Variants in SUSD4 observed in about 807,000 individuals in gnomAD.
SUSD4 encodes the protein sushi domain containing 4.
A neutral mutation model predicts 50.5 loss-of-function variants in SUSD4; 41 were observed. The ratio of observed to expected loss-of-function variants is 0.81; its 90% confidence interval spans 0.63 to 1.05. SUSD4 has a LOEUF of 1.05. Ranked by LOEUF, SUSD4 falls within the 50% of genes least tolerant of loss-of-function variation. SUSD4 has a pLI of 0.00. For missense variants in SUSD4, 580 were observed against 634.7 expected (o/e 0.91, Z 0.93); for synonymous variants, 257 against 257.3 (o/e 1.00, Z 0.01).
chr1:223,266,796 G>A (rs1662521549), intron 4 of SUSD4, among the ~76,000 whole-genome samples: 3 of 152,220 alleles, frequency 2.0e-5, no homozygotes, highest in African/African-American at 7.2e-5. Context: ...CATTCCCCCT[G>A]GGGGCTCAGA....
rs150634683 is a variant in SUSD4, at chr1:223,243,851, T to C, written c.725-14463A>G. Among the ~76,000 whole-genome samples the C allele has an allele frequency of 4.5e-3, 686 of 152,354 alleles. 8 individuals are homozygous for C. The highest frequency in any genetic ancestry group is 0.016 in the African/African-American group (648 of 41,586). ...CAGCACTATGGCACCTCCTCCAGCA[T>C]AGATAAGGGAGACTATTATGTTTGG... is the stretch of plus-strand genomic sequence containing the variant. On this transcript the variant is annotated intron_variant, in intron 5 of 8. Transcript: ENST00000366878.
chr1:223,355,579 A>G (rs1572132322), intron 2 of SUSD4, among the ~76,000 whole-genome samples: 1 of 152,076 alleles, frequency 6.6e-6, no homozygotes, highest in Non-Finnish European at 1.5e-5. Context: ...TCAACCACAT[A>G]TGTATTTTAT....
chr1:223,287,930 C>T (rs1045273234), intron 3 of SUSD4, among the ~76,000 whole-genome samples: 5 of 152,136 alleles, frequency 3.3e-5, no homozygotes, highest in African/African-American at 1.2e-4. Context: ...GCACACTCCC[C>T]CTGCAAAGAG....
At chr1:223,321,073 G>T (rs1666543786) in intron 2 of SUSD4, among the ~76,000 whole-genome samples, 1 of 152,116 alleles carries the variant, frequency 6.6e-6, no homozygotes, top group South Asian at 2.1e-4. Context: ...GTGTTCACAG[G>T]TGTCTTTTCA....
intron 2 of SUSD4, among the ~76,000 whole-genome samples, chr1:223,320,040 A>C (rs1572054172): frequency 6.6e-6 from 1 of 152,324 alleles, no homozygotes; most frequent in Non-Finnish European, 1.5e-5. Flanking sequence ...TAAGGATTAG[A>C]AGTGCTCCTA....
At chr1:223,279,244 G>A (rs1048552863) in intron 3 of SUSD4, among the ~76,000 whole-genome samples, 6 of 152,216 alleles carry the variant, frequency 3.9e-5, no homozygotes, top group African/African-American at 1.4e-4. Flanking sequence ...CGAGTTGAGA[G>A]AAGAAGGCTT....
intron 3 of SUSD4, among the ~76,000 whole-genome samples, chr1:223,276,695 T>A (rs1401805937): frequency 6.6e-6 from 1 of 152,202 alleles, no homozygotes; most frequent in African/African-American, 2.4e-5. Context: ...TGGCTTCTGT[T>A]AACAGCAGCA....
intron 2 of SUSD4, among the ~76,000 whole-genome samples, chr1:223,336,623 G>A (rs909624637): frequency 2.6e-5 from 4 of 152,118 alleles, no homozygotes; most frequent in African/African-American, 9.7e-5. Context: ...AAGAATTTTG[G>A]TAAATTCCTC....
chr1:223,228,397 A>C (rs1311665565), intron 6 of SUSD4, among the ~76,000 whole-genome samples: 1 of 152,196 alleles, frequency 6.6e-6, no homozygotes, highest in Non-Finnish European at 1.5e-5. Flanking sequence ...GTGCGCCTCC[A>C]GAGACCTGGC....
At chr1:223,252,192 C>A in intron 5 of SUSD4, among the ~76,000 whole-genome samples, 1 of 141,258 alleles carries the variant, frequency 7.1e-6, no homozygotes. Context: ...ACGTTGTGCA[C>A]ATGTACCCTA....
intron 5 of SUSD4, among the ~76,000 whole-genome samples, chr1:223,243,310 T>G (rs1312931621): frequency 1.3e-5 from 2 of 152,154 alleles, no homozygotes; most frequent in African/African-American, 4.8e-5. Context: ...CCTGGCTGTC[T>G]TCTTCTGGGA....
chr1:223,343,828 A>G (rs936529490), intron 2 of SUSD4, among the ~76,000 whole-genome samples: 10 of 152,202 alleles, frequency 6.6e-5, no homozygotes, highest in African/African-American at 2.2e-4. Context: ...CAACTGCTGT[A>G]GGAACCACAG....
At chr1:223,338,403 C>T (rs1294866739) in intron 2 of SUSD4, among the ~76,000 whole-genome samples, 5 of 152,160 alleles carry the variant, frequency 3.3e-5, no homozygotes, top group South Asian at 2.1e-4. Context: ...ATGGGGGAAG[C>T]GGCCAAGACT....
At position 223,297,860 on chromosome 1, in the gene SUSD4, G is replaced by T. The variant is rs1433148994; in HGVS notation, c.149-5209C>A. Among the ~76,000 whole-genome samples, 4 of 152,174 alleles carry T rather than the reference G, an allele frequency of 2.6e-5. No individual in the cohort carries two copies. The South Asian group carries it at 6.2e-4, about 24-fold the overall frequency. ...ACATTCTACAAGTGTTGCTAATGAA[G>T]GATAAAGCAAGGGATGGATGGATGG... On this transcript the variant is annotated intron_variant, in intron 2 of 8. Coordinates refer to ENST00000366878, the MANE Select transcript of SUSD4 (RefSeq NM_017982.4).
chr1:223,283,016 C>T (rs927259139), intron 3 of SUSD4, among the ~76,000 whole-genome samples: 21 of 152,162 alleles, frequency 1.4e-4, no homozygotes, highest in Admixed American at 1.2e-3. Context: ...ACAAATGGTG[C>T]TGGGAAAACT....
chr1:223,274,861 G>C (rs537561571), intron 3 of SUSD4, among the ~76,000 whole-genome samples: 30 of 152,112 alleles, frequency 2.0e-4, no homozygotes, highest in Non-Finnish European at 3.2e-4. Context: ...CAAAATCATA[G>C]AGCTCTTTTT....
chr1:223,293,959 C>T (rs1352534226), intron 2 of SUSD4, among the ~76,000 whole-genome samples: 1 of 151,994 alleles, frequency 6.6e-6, no homozygotes, highest in African/African-American at 2.4e-5. Context: ...GAAGGCAGAT[C>T]CCTGAAACAA....
chr1:223,246,657 G>A (rs1439904852), intron 5 of SUSD4, among the ~76,000 whole-genome samples: 1 of 152,132 alleles, frequency 6.6e-6, no homozygotes, highest in African/African-American at 2.4e-5. Context: ...CATGAGTGCT[G>A]GACACAGGCC....
intron 5 of SUSD4, among the ~76,000 whole-genome samples, chr1:223,252,305 C>T (rs1661389338): frequency 6.7e-6 from 1 of 149,998 alleles, no homozygotes. Context: ...TGTGAAGACA[C>T]AGACATCAAG....
Sources: allele counts gnomAD v4.1 joint callset (sites outside exome capture counted in the v4.1 genomes callset), GRCh38; gene constraint gnomAD v4.1.1; transcripts MANE v1.5; gene names NCBI Gene and HGNC (gene_info 2026-07-23, HGNC 2026-07-21).